CDH10: variants seen among roughly 807,000 people sequenced by gnomAD.
CDH10 encodes cadherin-10.
In CDH10, 30 loss-of-function variants were observed where a neutral mutation model predicts 73.1. The ratio of observed to expected loss-of-function variants is 0.41; its 90% CI spans 0.31 to 0.56. The LOEUF is 0.56. Among genes scored for constraint, CDH10 ranks in the 20% least tolerant of loss-of-function variants. CDH10 has a pLI of 0.27. For synonymous variants in CDH10, 345 were observed against 348.2 expected, an observed-to-expected ratio of 0.99 and a Z score of 0.10; for missense variants, 815 against 973.7, an observed-to-expected ratio of 0.84 and a Z score of 2.17.
intron 2 of CDH10, among the ~76,000 whole-genome samples, chr5:24,538,916 C>T (rs1744056938): frequency 6.6e-6 from 1 of 151,980 alleles, no homozygotes; most frequent in Non-Finnish European, 1.5e-5. Flanking sequence ...GTGTTACCAC[C>T]CTACCAATAA....
At chr5:24,583,410 T>C (rs962412711) in intron 2 of CDH10, among the ~76,000 whole-genome samples, 4 of 152,164 alleles carry the variant, frequency 2.6e-5, no homozygotes, top group Non-Finnish European at 4.4e-5. Context: ...ATACCTTTTC[T>C]GTATAAAGTG....
intron 8 of CDH10, among the ~76,000 whole-genome samples, chr5:24,502,495 G>C (rs1742536653): frequency 6.6e-6 from 1 of 152,080 alleles, no homozygotes; most frequent in South Asian, 2.1e-4. Flanking sequence ...CTTGTATGCT[G>C]TTTCCCTCTC....
At chr5:24,606,310 T>G (rs1746757792) in intron 1 of CDH10, among the ~76,000 whole-genome samples, 1 of 152,120 alleles carries the variant, frequency 6.6e-6, no homozygotes, top group Non-Finnish European at 1.5e-5. Context: ...ATCTAACACC[T>G]GCTAAGATGA....
At chr5:24,555,710 T>C (rs1168920654) in intron 2 of CDH10, among the ~76,000 whole-genome samples, 1 of 152,152 alleles carries the variant, frequency 6.6e-6, no homozygotes, top group Non-Finnish European at 1.5e-5. Flanking sequence ...TCCTCAAATA[T>C]CACTTGGGAG....
At chr5:24,523,625 T>C (rs1743420123) in intron 5 of CDH10, among the ~76,000 whole-genome samples, 2 of 152,158 alleles carry the variant, frequency 1.3e-5, no homozygotes, top group Non-Finnish European at 2.9e-5. Flanking sequence ...TTGTTTGATT[T>C]GTATTCTTAG....
chr5:24,545,007 T>A (rs928351885), intron 2 of CDH10, among the ~76,000 whole-genome samples: 5 of 152,196 alleles, frequency 3.3e-5, no homozygotes, highest in African/African-American at 9.6e-5. Context: ...ATTTAAGTAC[T>A]TAAGTTAACG....
In CDH10 at chr5:24,488,303, G is replaced by A. The variant is rs998117418; in HGVS notation, c.1877-150C>T. On this transcript the variant is annotated intron_variant, in intron 11 of 11. Coordinates refer to ENST00000264463, the MANE Select transcript of CDH10 (RefSeq NM_006727.5). ...TTTGTGCTTCCCACAGTTTGGGGGA[G>A]GTGTCAGGGGAGACGCTGAAGGGTT... 10 of 671,278 alleles carry A rather than the reference G, an allele frequency of 1.5e-5. No individual in the cohort carries two copies. The African/African-American group carries it at 1.6e-4, about 11-fold the overall frequency. The allele number at this position is 671,278 out of a possible 1,614,324, so 41.6% of individuals were successfully genotyped here. A position where few individuals can be genotyped will look rare whatever the true frequency, so the allele number is the denominator to read the frequency against.
intron 1 of CDH10, among the ~76,000 whole-genome samples, chr5:24,597,518 C>T (rs1746413629): frequency 6.6e-6 from 1 of 152,046 alleles, no homozygotes; most frequent in Non-Finnish European, 1.5e-5. Context: ...TACTCTAAGG[C>T]CTTTTTCCAC....
rs1742202865 is a variant in CDH10, at chr5:24,494,723, A to G, written c.1516-1798T>C. Among the ~76,000 whole-genome samples the G allele has an allele frequency of 2.0e-5, 3 of 152,168 alleles. No homozygotes were observed. In the South Asian group the frequency reaches 6.2e-4, roughly 32 times the overall value. ...ATAAATTTTAAAAATTAACATTAAA[A>G]TCTTTAATTAAAATGTATTTTAATC... On this transcript the variant is annotated intron_variant, in intron 9 of 11. Transcript: ENST00000264463.
chr5:24,563,339 T>C (rs1391706991), intron 2 of CDH10, among the ~76,000 whole-genome samples: 1 of 136,334 alleles, frequency 7.3e-6, no homozygotes, highest in African/African-American at 3.1e-5. Context: ...TGTTGACAGG[T>C]GCGTTTCCAC....
chr5:24,644,120 T>C (rs1431832227), intron 1 of CDH10, among the ~76,000 whole-genome samples: 5 of 152,152 alleles, frequency 3.3e-5, no homozygotes, highest in African/African-American at 1.2e-4. Context: ...TCTGTTTATA[T>C]TGAACGTACA....
chr5:24,564,889 G>A (rs548159851), intron 2 of CDH10, among the ~76,000 whole-genome samples: 3 of 152,028 alleles, frequency 2.0e-5, no homozygotes, highest in Admixed American at 6.6e-5. Flanking sequence ...CCTGTGCAAG[G>A]CTGCCCTGCT....
chr5:24,581,712 C>T (rs76896991), intron 2 of CDH10, among the ~76,000 whole-genome samples: 1,577 of 152,170 alleles, frequency 0.01, 36 homozygotes, highest in African/African-American at 0.036. Context: ...AACTTCAATA[C>T]GTGGTTATAA....
intron 1 of CDH10, among the ~76,000 whole-genome samples, chr5:24,611,270 T>C (rs1644033088): frequency 6.6e-6 from 1 of 152,108 alleles, no homozygotes; most frequent in African/African-American, 2.4e-5. Flanking sequence ...ATAATATAGC[T>C]TGTAACTGGT....
At chr5:24,491,336 C>T (rs1297634738) in intron 11 of CDH10, among the ~76,000 whole-genome samples, 11 of 151,548 alleles carry the variant, frequency 7.3e-5, no homozygotes, top group Admixed American at 2.0e-4. Flanking sequence ...TTGATTCACA[C>T]TGGAATGAAT....
intron 2 of CDH10, among the ~76,000 whole-genome samples, chr5:24,583,935 G>T (rs565193400): frequency 2.0e-5 from 3 of 152,128 alleles, no homozygotes; most frequent in African/African-American, 7.2e-5. Context: ...GAGCCACCGT[G>T]CCCGGCCAAG....
chr5:24,509,072 A>C (rs1742799061), intron 7 of CDH10, among the ~76,000 whole-genome samples: 1 of 151,976 alleles, frequency 6.6e-6, no homozygotes. Context: ...ATTCAGAGGC[A>C]ATTTACTAGA....
chr5:24,591,992 C>T (rs895890828), intron 2 of CDH10, among the ~76,000 whole-genome samples: 1 of 151,800 alleles, frequency 6.6e-6, no homozygotes, highest in African/African-American at 2.4e-5. Context: ...ATGAGAGCAA[C>T]CTTCACTCTC....
At chr5:24,544,006 A>C (rs117592135) in intron 2 of CDH10, among the ~76,000 whole-genome samples, 1 of 152,104 alleles carries the variant, frequency 6.6e-6, no homozygotes, top group African/African-American at 2.4e-5. Flanking sequence ...CTTCCTTCAA[A>C]AGTGGAAGGC....
Sources: allele counts gnomAD v4.1 joint callset (sites outside exome capture counted in the v4.1 genomes callset), GRCh38; gene constraint gnomAD v4.1.1; transcripts MANE v1.5; gene names NCBI Gene and HGNC (gene_info 2026-07-23, HGNC 2026-07-21).